NUMB: variants seen among roughly 807,000 people sequenced by gnomAD.
The protein encoded by NUMB is NUMB endocytic adaptor protein.
NUMB carries 29 observed loss-of-function variants against 59.7 expected under a neutral mutation model. The observed-to-expected ratio is 0.49, with a 90% CI of 0.36 to 0.66. The LOEUF (loss-of-function observed/expected upper bound fraction) is 0.66. NUMB is among the 30% of genes least tolerant of loss of function. The pLI, the probability that NUMB is intolerant of heterozygous loss-of-function variation, is 0.00. For synonymous variants in NUMB, 288 were observed against 288.2 expected, an observed-to-expected ratio of 1.00 and a Z score of 0.01; for missense variants, 723 against 822.0, an observed-to-expected ratio of 0.88 and a Z score of 1.47.
intron 4 of NUMB, among the ~76,000 whole-genome samples, chr14:73,323,915 G>C: frequency 6.6e-6 from 1 of 152,158 alleles, no homozygotes; most frequent in Non-Finnish European, 1.5e-5. Flanking sequence ...CCAAAGTATG[G>C]TGCTGAATGC....
intron 4 of NUMB, among the ~76,000 whole-genome samples, chr14:73,342,080 A>G (rs529954326): frequency 1.3e-5 from 2 of 152,368 alleles, no homozygotes; most frequent in Admixed American, 1.3e-4. Context: ...AATTTGTTTT[A>G]GAGAGACAAG....
chr14:73,406,105 T>A (rs1188134081), intron 2 of NUMB, among the ~76,000 whole-genome samples: 3 of 152,062 alleles, frequency 2.0e-5, no homozygotes, highest in East Asian at 1.9e-4. Flanking sequence ...TTTTTTTTTT[T>A]TTATTATACT....
Position 73,300,707 on chromosome 14 carries a change from G to A in NUMB, c.235-3422C>T, listed in dbSNP as rs1566733339. The stretch of plus-strand genomic sequence containing the variant: ...TATACGAAAGGTTTAGAACAAGGAC[G>A]GTCATATAATTTACTCTACAAACTG... On this transcript the variant is annotated intron_variant, in intron 6 of 12. Transcript: ENST00000555238. Among the ~76,000 whole-genome samples the A allele has an allele frequency of 2.6e-5, 4 of 152,050 alleles. No homozygotes were observed. In the South Asian group the frequency reaches 8.3e-4, roughly 32 times the overall value.
intron 1 of NUMB, among the ~76,000 whole-genome samples, chr14:73,423,618 G>A (rs1324527688): frequency 6.6e-6 from 1 of 151,340 alleles, no homozygotes; most frequent in Non-Finnish European, 1.5e-5. Context: ...TCCAGCCTGA[G>A]CATCAGAGCA....
intron 1 of NUMB, among the ~76,000 whole-genome samples, chr14:73,425,460 G>A (rs1353365586): frequency 6.6e-6 from 1 of 152,060 alleles, no homozygotes; most frequent in African/African-American, 2.4e-5. Context: ...TCCTGCCTCA[G>A]CCTCCCAAAG....
intron 2 of NUMB, among the ~76,000 whole-genome samples, chr14:73,378,953 T>C (rs1245367311): frequency 1.3e-5 from 2 of 152,186 alleles, no homozygotes; most frequent in African/African-American, 2.4e-5. Flanking sequence ...TGTGCCTATA[T>C]TGGGGCAGAA....
intron 2 of NUMB, among the ~76,000 whole-genome samples, chr14:73,370,205 T>C (rs1894593013): frequency 6.6e-6 from 1 of 152,072 alleles, no homozygotes; most frequent in South Asian, 2.1e-4. Flanking sequence ...TTAACACCAA[T>C]ATAAAAGGGT....
At chr14:73,391,076 C>T (rs939066292) in intron 2 of NUMB, among the ~76,000 whole-genome samples, 1 of 151,842 alleles carries the variant, frequency 6.6e-6, no homozygotes, top group Non-Finnish European at 1.5e-5. Context: ...TATATTCAAA[C>T]TCTTTTTCTG....
intron 2 of NUMB, among the ~76,000 whole-genome samples, chr14:73,367,322 C>CACACATATACAT (rs1555375266): frequency 1.1e-5 from 1 of 92,352 alleles, no homozygotes; most frequent in East Asian, 3.2e-4. Flanking sequence ...CACACACACA[C>CACACATATACAT]ATATATACAT....
intron 4 of NUMB, among the ~76,000 whole-genome samples, chr14:73,332,310 G>A (rs540927465): frequency 6.6e-6 from 1 of 151,658 alleles, no homozygotes; most frequent in African/African-American, 2.4e-5. Context: ...CTGGAGTTCA[G>A]TGGCATGATC....
At chr14:73,335,577 G>T (rs1383768370) in intron 4 of NUMB, among the ~76,000 whole-genome samples, 1 of 152,168 alleles carries the variant, frequency 6.6e-6, no homozygotes, top group African/African-American at 2.4e-5. Flanking sequence ...CTCCTTCTGA[G>T]TAAGAAACTT....
chr14:73,356,775 C>T (rs1025502557), intron 3 of NUMB, among the ~76,000 whole-genome samples: 4 of 152,260 alleles, frequency 2.6e-5, no homozygotes, highest in Admixed American at 2.0e-4. Flanking sequence ...TCATTGCAAC[C>T]TTTATCTCCC....
At chr14:73,306,690 A>C (rs1329269070) in intron 6 of NUMB, among the ~76,000 whole-genome samples, 1 of 152,236 alleles carries the variant, frequency 6.6e-6, no homozygotes, top group African/African-American at 2.4e-5. Context: ...AGAAGCCTTC[A>C]TTACAACCTT....
intron 1 of NUMB, among the ~76,000 whole-genome samples, chr14:73,456,035 T>C (rs1287983044): frequency 6.6e-6 from 1 of 151,848 alleles, no homozygotes; most frequent in African/African-American, 2.4e-5. Flanking sequence ...TAACACAATA[T>C]GTGACAAGAC....
chr14:73,279,699 C>A (rs777596300), intron 11 of NUMB, among the ~76,000 whole-genome samples: 7 of 152,166 alleles, frequency 4.6e-5, no homozygotes, highest in Non-Finnish European at 4.4e-5. Context: ...ATGAAACCTA[C>A]GAAAACAATT....
At chr14:73,405,512 G>A (rs1456498634) in intron 2 of NUMB, among the ~76,000 whole-genome samples, 3 of 139,016 alleles carry the variant, frequency 2.2e-5, no homozygotes, top group Admixed American at 7.8e-5. Flanking sequence ...ATCACAGCTC[G>A]CCACAACCTC....
chr14:73,429,889 G>C (rs926399836), intron 1 of NUMB, among the ~76,000 whole-genome samples: 4 of 151,504 alleles, frequency 2.6e-5, no homozygotes, highest in African/African-American at 9.7e-5. Context: ...AGGTTGTAAT[G>C]AGCCGAGATC....
intron 4 of NUMB, among the ~76,000 whole-genome samples, chr14:73,326,036 G>A (rs1891644776): frequency 6.6e-6 from 1 of 152,068 alleles, no homozygotes; most frequent in Non-Finnish European, 1.5e-5. Context: ...AGGCCAACCA[G>A]AGCCCTAGGT....
intron 2 of NUMB, among the ~76,000 whole-genome samples, chr14:73,368,583 C>T (rs1894503158): frequency 6.7e-6 from 1 of 149,022 alleles, no homozygotes; most frequent in Non-Finnish European, 1.5e-5. Flanking sequence ...GACTCCGTCT[C>T]CAAAAAAAAA....
Sources: allele counts gnomAD v4.1 joint callset (sites outside exome capture counted in the v4.1 genomes callset), GRCh38; gene constraint gnomAD v4.1.1; transcripts MANE v1.5; gene names NCBI Gene and HGNC (gene_info 2026-07-23, HGNC 2026-07-21).